The following NRG1 variants were observed in gnomAD, a reference collection of about 807,000 sequenced individuals.
NRG1 encodes the protein pro-neuregulin-1, membrane-bound isoform.
Under a neutral mutation model 63.8 loss-of-function variants are expected in NRG1, and 18 were observed. The ratio of observed to expected loss-of-function variants is 0.28; its 90% CI spans 0.19 to 0.42. The LOEUF is 0.42. Among genes scored for constraint, NRG1 ranks in the 10% least tolerant of loss-of-function variants. NRG1 has a pLI of 1.00. For missense variants in NRG1, 762 were observed against 814.7 expected (o/e 0.94, Z 0.79); for synonymous variants, 302 against 301.3 (o/e 1.00, Z -0.02).
intron 1 of NRG1, among the ~76,000 whole-genome samples, chr8:31,959,791 TTTA>T (rs1340625092): frequency 0.021 from 2,645 of 128,892 alleles, 81 homozygotes; most frequent in African/African-American, 0.074. Context: ...TATTTATTTA[TTTA>T]TTATTTATTT....
At chr8:32,756,023 T>G (rs1829613807) in intron 8 of NRG1, among the ~76,000 whole-genome samples, 1 of 152,208 alleles carries the variant, frequency 6.6e-6, no homozygotes, top group African/African-American at 2.4e-5. Flanking sequence ...CTTACAGGAA[T>G]GAGCCACCCC....
chr8:31,838,185 G>A (rs1237210667), intron 1 of NRG1, among the ~76,000 whole-genome samples: 1 of 152,004 alleles, frequency 6.6e-6, no homozygotes, highest in Non-Finnish European at 1.5e-5. Context: ...GTATGACTCA[G>A]ACATCATTTA....
intron 1 of NRG1, among the ~76,000 whole-genome samples, chr8:31,648,322 C>T (rs1804502975): frequency 6.6e-6 from 1 of 151,558 alleles, no homozygotes; most frequent in Admixed American, 6.6e-5. Context: ...TTAGTAGAGA[C>T]GGGGTTTCAC....
At chr8:32,201,721 A>T (rs1051864247) in intron 1 of NRG1, among the ~76,000 whole-genome samples, 1 of 152,134 alleles carries the variant, frequency 6.6e-6, no homozygotes, top group African/African-American at 2.4e-5. Context: ...GAAAATCCCC[A>T]TTTCTCCTAC....
At chr8:31,823,117 C>CTTTTTTTTTTTTTTTTTTTTTTTTT (rs147209584) in intron 1 of NRG1, among the ~76,000 whole-genome samples, 1 of 77,964 alleles carries the variant, frequency 1.3e-5, no homozygotes, top group Non-Finnish European at 2.4e-5. Context: ...TGTCCTTGTT[C>CTTTTTTTTTTTTTTTTTTTTTTTTT]TTTTTTTTTT....
rs188406320 is a variant in NRG1 at position 32,677,870 on chromosome 8, C to A, written c.503-50079C>A. Among the ~76,000 whole-genome samples the A allele has an allele frequency of 5.3e-4, 81 of 152,266 alleles. 1 individual carries two copies. The highest frequency in any genetic ancestry group is 1.9e-3 in the African/African-American group (78 of 41,566). On this transcript the variant is annotated intron_variant, in intron 5 of 11. Coordinates refer to ENST00000356819, the Ensembl canonical transcript of NRG1. ...TATAAAGTCAAGAGTAAGCACATTTCTAACAAGGACCAAAACTTTTTTCTC... is the reference window on the plus strand; with the variant it reads ...TATAAAGTCAAGAGTAAGCACATTTATAACAAGGACCAAAACTTTTTTCTC...
At chr8:32,314,047 A>AT (rs1299779649) in intron 1 of NRG1, among the ~76,000 whole-genome samples, 1 of 152,202 alleles carries the variant, frequency 6.6e-6, no homozygotes, top group Non-Finnish European at 1.5e-5. Flanking sequence ...TATTTGTAAT[A>AT]TGCATCATCT....
chr8:31,684,914 T>C (rs1233754603), intron 1 of NRG1, among the ~76,000 whole-genome samples: 1 of 151,988 alleles, frequency 6.6e-6, no homozygotes, highest in Non-Finnish European at 1.5e-5. Context: ...TTGATATAAA[T>C]AGAAATAGCC....
rs1294118203 is a variant in NRG1, at chr8:32,184,065, TACAC to T, written c.38-411755_38-411752del. On this transcript the variant is annotated intron_variant, in intron 1 of 10. Transcript: ENST00000519301. ...CCATTATGTATACACACAATACACA[TACAC>T]ACACACAGTACTATATATGTATGTG... is the stretch of plus-strand genomic sequence containing the variant. 8.5e-5 allele frequency among the ~76,000 whole-genome samples: 12 copies of T among 140,360 alleles called. No homozygotes were observed. The East Asian group carries it at 1.2e-3, about 14-fold the overall frequency. 92.1% of individuals were successfully genotyped at this position (140,360 alleles called of 152,430 possible).
rs529721476 is a variant in NRG1 at position 32,653,098 on chromosome 8, T to C, written c.502+36213T>C. ...ACTTTTGCTCTACATCAATGCTTTG[T>C]TTTTCTTCTATTATTTCCTCTTTGG... is the stretch of plus-strand genomic sequence containing the variant. On this transcript the variant is annotated intron_variant, in intron 5 of 11. Transcript: ENST00000356819. 2.7e-5 allele frequency among the ~76,000 whole-genome samples: 4 copies of C among 148,396 alleles called. 1 individual carries two copies. The South Asian group carries it at 8.8e-4, about 33-fold the overall frequency.
chr8:32,638,229 G>A (rs1292555517), intron 5 of NRG1, among the ~76,000 whole-genome samples: 1 of 151,956 alleles, frequency 6.6e-6, no homozygotes, highest in Admixed American at 6.6e-5. Context: ...TTCATGTAAT[G>A]GGTGCAGCAA....
chr8:31,919,348 C>A (rs1360590036), intron 1 of NRG1, among the ~76,000 whole-genome samples: 1 of 150,112 alleles, frequency 6.7e-6, no homozygotes, highest in African/African-American at 2.4e-5. Context: ...TTACGCTTTT[C>A]AACCAAATAC....
At chr8:31,782,766 C>T (rs1031501386) in intron 1 of NRG1, among the ~76,000 whole-genome samples, 7 of 152,042 alleles carry the variant, frequency 4.6e-5, no homozygotes, top group East Asian at 1.9e-4. Context: ...CAGAGGATCT[C>T]GTTAAAATGT....
chr8:32,071,106 T>C (rs1825698355), intron 1 of NRG1, among the ~76,000 whole-genome samples: 1 of 152,162 alleles, frequency 6.6e-6, no homozygotes, highest in Non-Finnish European at 1.5e-5. Context: ...AGCCCATCAT[T>C]CTCTCAGCCT....
chr8:32,597,594 G>T (rs966542269), intron 2 of NRG1, among the ~76,000 whole-genome samples: 5 of 152,054 alleles, frequency 3.3e-5, no homozygotes. Flanking sequence ...ATATGTAGCA[G>T]TTCAGCAGCA....
At chr8:32,468,509 A>C (rs1823357165) in intron 1 of NRG1, among the ~76,000 whole-genome samples, 1 of 152,176 alleles carries the variant, frequency 6.6e-6, no homozygotes, top group Non-Finnish European at 1.5e-5. Flanking sequence ...CTAAGTACCT[A>C]GGTTAGCACA....
intron 1 of NRG1, among the ~76,000 whole-genome samples, chr8:31,765,063 A>G (rs573501396): frequency 6.6e-6 from 1 of 151,892 alleles, no homozygotes; most frequent in African/African-American, 2.4e-5. Context: ...TGTTATATTT[A>G]TTATACCTAA....
chr8:32,026,454 T>C (rs1203527040), intron 1 of NRG1: 1 of 152,214 alleles, frequency 6.6e-6, no homozygotes, highest in Non-Finnish European at 1.5e-5. Context: ...CAATATTTAC[T>C]TGTTACTTTT....
chr8:32,216,739 G>T (rs1845268950), intron 1 of NRG1, among the ~76,000 whole-genome samples: 1 of 150,768 alleles, frequency 6.6e-6, no homozygotes, highest in Admixed American at 6.6e-5. Flanking sequence ...TGACATTATT[G>T]TGATATATAT....
Sources: allele counts gnomAD v4.1 joint callset (sites outside exome capture counted in the v4.1 genomes callset), GRCh38; gene constraint gnomAD v4.1.1; transcripts MANE v1.5; gene names NCBI Gene and HGNC (gene_info 2026-07-23, HGNC 2026-07-21).